Variants in OLA1 observed in about 807,000 individuals in gnomAD.
OLA1 encodes Obg like ATPase 1.
OLA1 carries 14 observed loss-of-function variants against 48.4 expected under a neutral mutation model. The ratio of observed to expected loss-of-function variants is 0.29; its 90% confidence interval spans 0.19 to 0.45. OLA1 has a LOEUF of 0.45. Among genes scored for constraint, OLA1 ranks in the 20% least tolerant of loss-of-function variants. OLA1 has a pLI of 1.00. For missense variants in OLA1, 325 were observed against 467.1 expected, an observed-to-expected ratio of 0.70 and a Z score of 2.80; for synonymous variants, 127 against 150.4, an observed-to-expected ratio of 0.84 and a Z score of 1.14.
chr2:174,147,297 A>G (rs1686628748), intron 4 of OLA1, among the ~76,000 whole-genome samples: 1 of 152,100 alleles, frequency 6.6e-6, no homozygotes, highest in African/African-American at 2.4e-5. Flanking sequence ...ATGGTGGTGC[A>G]TGCCTGTAAT....
chr2:174,138,488 T>C lies in OLA1; in HGVS notation c.549+3337A>G, dbSNP rs566076819. 5.3e-5 allele frequency among the ~76,000 whole-genome samples: 8 copies of C among 152,286 alleles called. No individual in the cohort carries two copies. In the South Asian group the frequency reaches 1.7e-3, roughly 32 times the overall value. ...AAAGATCACCAGTCAAAGACCACTT[T>C]AACAGATACAATAATAACAAAAAGG... On this transcript the variant is annotated intron_variant, in intron 5 of 10. Coordinates refer to ENST00000284719, the MANE Select transcript of OLA1 (RefSeq NM_013341.5).
chr2:174,237,070 A>T (rs1335156991), intron 2 of OLA1, among the ~76,000 whole-genome samples: 1 of 151,964 alleles, frequency 6.6e-6, no homozygotes, highest in African/African-American at 2.4e-5. Context: ...TAACTTACTG[A>T]CTCTTTTGTA....
At chr2:174,230,039 G>A (rs2105456493) in intron 2 of OLA1, among the ~76,000 whole-genome samples, 1 of 152,216 alleles carries the variant, frequency 6.6e-6, no homozygotes, top group South Asian at 2.1e-4. Flanking sequence ...CTTAAATCAA[G>A]AAAATATAAT....
At chr2:174,140,869 T>C (rs1348276447) in intron 5 of OLA1, among the ~76,000 whole-genome samples, 1 of 152,194 alleles carries the variant, frequency 6.6e-6, no homozygotes, top group Non-Finnish European at 1.5e-5. Context: ...ACCTGCTCAT[T>C]TACATACTGT....
intron 7 of OLA1, among the ~76,000 whole-genome samples, chr2:174,111,863 A>C (rs1685659371): frequency 6.6e-6 from 1 of 152,220 alleles, no homozygotes; most frequent in Non-Finnish European, 1.5e-5. Flanking sequence ...TTTTCTTGAG[A>C]AAAGTAGCAA....
intron 2 of OLA1, among the ~76,000 whole-genome samples, chr2:174,239,147 A>G (rs914575256): frequency 1.3e-5 from 2 of 152,196 alleles, no homozygotes; most frequent in African/African-American, 4.8e-5. Context: ...TTTTTTAATC[A>G]CCATTTGGCA....
At chr2:174,191,209 T>C (rs1401736401) in intron 4 of OLA1, among the ~76,000 whole-genome samples, 1 of 152,092 alleles carries the variant, frequency 6.6e-6, no homozygotes, top group East Asian at 1.9e-4. Context: ...AAACATCATG[T>C]TGTACAACAT....
At chr2:174,110,302 A>ATTTTTTTTTTTTT (rs575026912) in intron 7 of OLA1, among the ~76,000 whole-genome samples, 28 of 113,858 alleles carry the variant, frequency 2.5e-4, no homozygotes, top group South Asian at 8.5e-4. Context: ...CCATGCTTGG[A>ATTTTTTTTTTTTT]TTTTTTTTTT....
chr2:174,130,041 G>A (rs1159759372), intron 5 of OLA1, among the ~76,000 whole-genome samples: 3 of 152,128 alleles, frequency 2.0e-5, no homozygotes, highest in Admixed American at 6.5e-5. Flanking sequence ...CAAAACAGTC[G>A]CTAGAAGTCC....
chr2:174,183,142 A>G (rs1687585028), intron 4 of OLA1, among the ~76,000 whole-genome samples: 1 of 152,142 alleles, frequency 6.6e-6, no homozygotes, highest in Non-Finnish European at 1.5e-5. Flanking sequence ...TAATGTAACT[A>G]CTGTATCTGC....
At chr2:174,236,757 T>C (rs756762922) in intron 2 of OLA1, among the ~76,000 whole-genome samples, 5 of 152,186 alleles carry the variant, frequency 3.3e-5, no homozygotes, top group Admixed American at 6.5e-5. Context: ...CTGAACACTG[T>C]AGACAAATGT....
At chr2:174,202,620 T>C (rs1688015808) in intron 4 of OLA1, among the ~76,000 whole-genome samples, 1 of 152,180 alleles carries the variant, frequency 6.6e-6, no homozygotes, top group South Asian at 2.1e-4. Flanking sequence ...AATGTTGAAT[T>C]GGACCACAGA....
At chr2:174,146,621 C>G (rs969131548) in intron 4 of OLA1, among the ~76,000 whole-genome samples, 3 of 152,142 alleles carry the variant, frequency 2.0e-5, no homozygotes, top group Non-Finnish European at 4.4e-5. Context: ...AGGAGAAGAA[C>G]TTGGCAAGAG....
intron 4 of OLA1, among the ~76,000 whole-genome samples, chr2:174,142,821 A>G (rs547274943): frequency 1.1e-4 from 16 of 152,374 alleles, no homozygotes; most frequent in South Asian, 4.1e-4. Flanking sequence ...ATCATAAAAA[A>G]TGAACAAATA....
intron 4 of OLA1, among the ~76,000 whole-genome samples, chr2:174,198,566 G>A (rs999263050): frequency 6.6e-6 from 1 of 152,026 alleles, no homozygotes; most frequent in Non-Finnish European, 1.5e-5. Context: ...AATCATTTGA[G>A]GTCAAGAGTT....
chr2:174,153,514 C>G (rs986741797), intron 4 of OLA1, among the ~76,000 whole-genome samples: 1 of 152,104 alleles, frequency 6.6e-6, no homozygotes. Context: ...AGAAGCAACA[C>G]ATTACAATAT....
Position 174,223,152 on chromosome 2 carries a change from G to T in OLA1, c.254C>A (p.Pro85His). 6.2e-7 allele frequency: 1 copy of T among 1,613,318 alleles called. No individual in the cohort carries two copies. Among genetic ancestry groups the T allele is most frequent in the Non-Finnish European group, 8.5e-7 (1 of 1,179,578 alleles). Residue 85 changes from proline (P) to histidine (H), a missense_variant, in exon 4 of 11, where the codon CCT becomes CAT. Pro to His is a moderately conservative substitution (Grantham distance 77). Transcript: ENST00000284719. ...AATATCCACCACATTTAGAAAGGCA[G>T]GAATTTTGCTGAAAAACAAAAGATG... is the stretch of plus-strand genomic sequence containing the variant. ...CQYHKPASKI[P>H]AFLNVVDIAG...
At chr2:174,122,501 A>G (rs1367897762) in intron 7 of OLA1, among the ~76,000 whole-genome samples, 2 of 152,228 alleles carry the variant, frequency 1.3e-5, no homozygotes, top group Non-Finnish European at 2.9e-5. Flanking sequence ...GTATGACTCA[A>G]TAGTATAAAA....
At chr2:174,190,590 A>G (rs982089844) in intron 4 of OLA1, among the ~76,000 whole-genome samples, 2 of 151,820 alleles carry the variant, frequency 1.3e-5, no homozygotes, top group Admixed American at 6.6e-5. Context: ...GATACATGAA[A>G]TTCTATCTTC....
Sources: allele counts gnomAD v4.1 joint callset (sites outside exome capture counted in the v4.1 genomes callset), GRCh38; gene constraint gnomAD v4.1.1; transcripts MANE v1.5; gene names NCBI Gene and HGNC (gene_info 2026-07-23, HGNC 2026-07-21).